The following LIG1 variants were observed in gnomAD, a reference collection of about 807,000 sequenced individuals.
LIG1 encodes the protein ligase I, DNA, ATP-dependent.
A neutral mutation model predicts 115.7 loss-of-function variants in LIG1; 70 were observed. The observed-to-expected ratio is 0.60, with a 90% CI of 0.50 to 0.74. The LOEUF (loss-of-function observed/expected upper bound fraction) is 0.74. LIG1 is among the 30% of genes least tolerant of loss of function. The pLI is 0.00. For missense variants in LIG1, 1,115 were observed against 1,225.6 expected, an observed-to-expected ratio of 0.91 and a Z score of 1.35; for synonymous variants, 487 against 495.3, an observed-to-expected ratio of 0.98 and a Z score of 0.22.
At chr19:48,127,819 C>T (rs1305299416) in intron 20 of LIG1, 91 bp downstream of exon 20, 7 of 1,064,202 alleles carry the variant, frequency 6.6e-6, no homozygotes, top group Non-Finnish European at 1.0e-5. Context: ...ACACTCTGCC[C>T]TTCTGGGCAC....
At chr19:48,140,912 G>A (rs1300479173) in intron 11 of LIG1, among the ~76,000 whole-genome samples, 2 of 152,098 alleles carry the variant, frequency 1.3e-5, no homozygotes, top group Non-Finnish European at 2.9e-5. Flanking sequence ...TGAAACTCCG[G>A]TCTCCCGCAC....
chr19:48,120,041 T>G (rs921812483), intron 24 of LIG1: 14 of 345,854 alleles, frequency 4.0e-5, no homozygotes, highest in African/African-American at 3.1e-4. Context: ...ATAGCTCATT[T>G]AAAAATCTAT....
intron 16 of LIG1, among the ~76,000 whole-genome samples, chr19:48,135,230 C>G (rs2034304304): frequency 6.6e-6 from 1 of 152,222 alleles, no homozygotes; most frequent in Non-Finnish European, 1.5e-5. Context: ...CAGCCTCCAA[C>G]TCCTGGGTTC....
rs156642 is a variant in LIG1 at position 48,127,472 on chromosome 19, G to A, written c.1933-124C>T. ...CACCTAACTGGCTGCCCATCTGTGA[G>A]GGCGGCCATGCTGCTGGCTCCAGGT... On this transcript the variant is annotated intron_variant, in intron 20 of 27. Transcript: ENST00000263274. The A allele has an allele frequency of 1.4e-5, 12 of 874,766 alleles. No individual in the cohort carries two copies. The East Asian group carries it at 2.9e-4, about 21-fold the overall frequency. The allele number at this position is 874,766 out of a possible 1,614,324, so 54.2% of individuals were successfully genotyped here. A position where few individuals can be genotyped will look rare whatever the true frequency, so the allele number is the denominator to read the frequency against.
At chr19:48,154,277 G>C in intron 5 of LIG1, 1 of 372,226 alleles carries the variant, frequency 2.7e-6, no homozygotes, top group South Asian at 2.1e-5. Flanking sequence ...GGTCCCCTGA[G>C]CTCCCCACTG....
intron 6 of LIG1, among the ~76,000 whole-genome samples, chr19:48,151,873 G>A (rs184790442): frequency 9.9e-5 from 15 of 152,038 alleles, no homozygotes; most frequent in Non-Finnish European, 2.2e-4. Context: ...TTCCTTTAGT[G>A]TTATTCACCC....
intron 1 of LIG1, among the ~76,000 whole-genome samples, chr19:48,166,959 CA>C (rs59675364): frequency 0.37 from 39,412 of 105,962 alleles, 5,901 homozygotes; most frequent in East Asian, 0.57. Flanking sequence ...CACTCTGTCT[CA>C]AAAAAAAAAA....
At chr19:48,123,449 G>A (rs1277380648) in intron 21 of LIG1, 131 bp from the exon 22 acceptor site, 1 of 1,047,664 alleles carries the variant, frequency 9.5e-7, no homozygotes, top group Non-Finnish European at 1.4e-6. Context: ...GCCTTGAGAG[G>A]GAAGAACCCT....
chr19:48,128,642 C>T (rs190289048), intron 19 of LIG1, among the ~76,000 whole-genome samples: 7 of 152,342 alleles, frequency 4.6e-5, no homozygotes, highest in Admixed American at 2.6e-4. Context: ...AACCCCTGCC[C>T]CTGTCTGTCT....
chr19:48,131,010 G>A, intron 19 of LIG1, 66 bp downstream of exon 19: 10 of 1,294,754 alleles, frequency 7.7e-6, no homozygotes, highest in Admixed American at 5.1e-5. Flanking sequence ...GGCCTAGATG[G>A]GCCTCAGGCC....
chr19:48,123,003 C>A lies in LIG1; in HGVS notation c.2163G>T (p.Gly721=). ...LEQSVKDSCE[G]LMVKTLDVDA... is the part of the protein sequence containing the mutation. ...CAACATCCAGGGTCTTCACCATCAG[C>A]CCCTCGCAGGAGTCTGAGGGAGACA... is the stretch of plus-strand genomic sequence containing the variant. Residue 721 remains glycine, a synonymous_variant, in exon 23 of 28, where the codon GGG becomes GGT. Coordinates refer to ENST00000263274, the MANE Select transcript of LIG1 (RefSeq NM_000234.3). 1 of 1,613,732 alleles carries A rather than the reference C, an allele frequency of 6.2e-7. No homozygotes were observed. The highest frequency in any genetic ancestry group is 8.5e-7 in the Non-Finnish European group (1 of 1,179,890).
rs148786962 is a variant in LIG1 at position 48,115,736 on chromosome 19, C to T, written c.2677-4G>A. On this transcript the variant is annotated splice_polypyrimidine_tract_variant and splice_region_variant and intron_variant, in intron 27 of 27. Coordinates refer to ENST00000263274, the MANE Select transcript of LIG1 (RefSeq NM_000234.3). ...GCTTCCGGTACAAACAGGCCACCTGCGGAGAGAGGGTGGGACGGGGTGGTC... is the reference window on the plus strand; with the variant it reads ...GCTTCCGGTACAAACAGGCCACCTGTGGAGAGAGGGTGGGACGGGGTGGTC... The T allele has an allele frequency of 1.6e-5, 26 of 1,613,146 alleles. No homozygotes were observed. The highest frequency in any genetic ancestry group is 1.5e-4 in the Admixed American group (9 of 59,978).
At chr19:48,163,868 C>G (rs906611662) in intron 2 of LIG1, among the ~76,000 whole-genome samples, 2 of 150,524 alleles carry the variant, frequency 1.3e-5, no homozygotes, top group Non-Finnish European at 1.5e-5. Flanking sequence ...TGGCCTGAAC[C>G]TGGGAGGCAG....
rs1025087324 is a variant in LIG1, at chr19:48,135,976, G to A, written c.1423+58C>T. ...GGCGGGCATGGGCCTCTGAAGAGGA[G>A]GGGGGAAGCCTGAGGTAACTCCAGC... On this transcript the variant is annotated intron_variant, in intron 15 of 27. Coordinates refer to ENST00000263274, the MANE Select transcript of LIG1 (RefSeq NM_000234.3). 10 of 1,403,710 alleles carry A rather than the reference G, an allele frequency of 7.1e-6. No homozygotes were observed. The South Asian group carries it at 1.1e-4, about 16-fold the overall frequency. The allele number at this position is 1,403,710 out of a possible 1,614,324, so 87.0% of individuals were successfully genotyped here. A position where few individuals can be genotyped will look rare whatever the true frequency, so the allele number is the denominator to read the frequency against.
intron 25 of LIG1, among the ~76,000 whole-genome samples, chr19:48,118,032 G>C (rs2032988324): frequency 6.6e-6 from 1 of 152,204 alleles, no homozygotes; most frequent in African/African-American, 2.4e-5. Flanking sequence ...GAGAAAGGTG[G>C]GAGTTGGGAG....
intron 2 of LIG1, among the ~76,000 whole-genome samples, chr19:48,164,764 T>C (rs2036386009): frequency 6.6e-6 from 1 of 152,208 alleles, no homozygotes; most frequent in African/African-American, 2.4e-5. Context: ...AGTCAAGTCA[T>C]GCCCTTTCTT....
At chr19:48,118,146 G>C (rs1352641892) in intron 25 of LIG1, among the ~76,000 whole-genome samples, 1 of 152,162 alleles carries the variant, frequency 6.6e-6, no homozygotes, top group African/African-American at 2.4e-5. Flanking sequence ...AGGAGACAGA[G>C]ACACAGTGGG....
At chr19:48,144,006 T>C (rs2034954684) in intron 9 of LIG1, 43 bp from the exon 10 acceptor site, 1 of 1,467,898 alleles carries the variant, frequency 6.8e-7, no homozygotes, top group African/African-American at 1.4e-5. Context: ...GAGCCCTGGG[T>C]CAAAGCAAAG....
At chr19:48,169,026 T>C (rs1003763741) in intron 1 of LIG1, among the ~76,000 whole-genome samples, 3 of 152,218 alleles carry the variant, frequency 2.0e-5, no homozygotes, top group Non-Finnish European at 1.5e-5. Context: ...GAAACAGTAC[T>C]CAGTAATAAA....
Sources: allele counts gnomAD v4.1 joint callset (sites outside exome capture counted in the v4.1 genomes callset), GRCh38; gene constraint gnomAD v4.1.1; transcripts MANE v1.5; gene names NCBI Gene and HGNC (gene_info 2026-07-23, HGNC 2026-07-21).